KIF6: variants seen among roughly 807,000 people sequenced by gnomAD.
KIF6 encodes kinesin-like protein KIF6.
In KIF6, 106 loss-of-function variants were observed where a neutral mutation model predicts 112.7. That is an observed-to-expected ratio of 0.94 (90% CI 0.80 to 1.11). The LOEUF (loss-of-function observed/expected upper bound fraction) is 1.11. Among genes scored for constraint, KIF6 ranks in the 50% least tolerant of loss-of-function variants. The pLI is 0.00. For missense variants in KIF6, 929 were observed against 964.0 expected (o/e 0.96, Z 0.48); for synonymous variants, 339 against 339.9 (o/e 1.00, Z 0.03).
At chr6:39,707,941 GC>G (rs1429070816) in intron 3 of KIF6, among the ~76,000 whole-genome samples, 3 of 152,188 alleles carry the variant, frequency 2.0e-5, no homozygotes, top group Non-Finnish European at 2.9e-5. Flanking sequence ...TTGACTTGAT[GC>G]CAAATATTTT....
At chr6:39,642,468 G>A (rs1445723080) in intron 3 of KIF6, among the ~76,000 whole-genome samples, 1 of 152,066 alleles carries the variant, frequency 6.6e-6, no homozygotes, top group Non-Finnish European at 1.5e-5. Flanking sequence ...GTATGGATTT[G>A]GGGCTCCTCA....
At chr6:39,413,995 G>A (rs1363191158) in intron 15 of KIF6, among the ~76,000 whole-genome samples, 1 of 152,060 alleles carries the variant, frequency 6.6e-6, no homozygotes, top group African/African-American at 2.4e-5. Flanking sequence ...CTCTTTACCT[G>A]CTTTTCTCTG....
chr6:39,346,126 C>T (rs7772113), intron 20 of KIF6, among the ~76,000 whole-genome samples: 1,449 of 23,790 alleles, frequency 0.061, 80 homozygotes, highest in Non-Finnish European at 0.084. Flanking sequence ...CCTCTCCCTC[C>T]CTCTCCCTCT....
At chr6:39,677,478 T>C (rs186720888) in intron 3 of KIF6, among the ~76,000 whole-genome samples, 162 of 151,808 alleles carry the variant, frequency 1.1e-3, no homozygotes, top group African/African-American at 3.9e-3. Flanking sequence ...TGCAGGAAGT[T>C]TTTTAGTTAT....
intron 3 of KIF6, among the ~76,000 whole-genome samples, chr6:39,647,440 T>C (rs1039856781): frequency 6.6e-6 from 1 of 152,138 alleles, no homozygotes; most frequent in African/African-American, 2.4e-5. Flanking sequence ...CTTGATCCCA[T>C]CTTGGTTCCT....
At chr6:39,430,285 T>C (rs996925285) in intron 14 of KIF6, among the ~76,000 whole-genome samples, 4 of 152,132 alleles carry the variant, frequency 2.6e-5, no homozygotes, top group African/African-American at 4.8e-5. Context: ...CTCATCTACT[T>C]CTTAGGCTTC....
chr6:39,623,912 C>T (rs932379936), intron 5 of KIF6, among the ~76,000 whole-genome samples: 1 of 152,168 alleles, frequency 6.6e-6, no homozygotes, highest in Non-Finnish European at 1.5e-5. Context: ...CATGTGTCCC[C>T]TCTCTCAGGC....
chr6:39,457,625 A>G (rs1345164725), intron 13 of KIF6, among the ~76,000 whole-genome samples: 1 of 152,124 alleles, frequency 6.6e-6, no homozygotes, highest in Non-Finnish European at 1.5e-5. Flanking sequence ...GAACGCTAGC[A>G]AGACTAATAA....
intron 16 of KIF6, among the ~76,000 whole-genome samples, chr6:39,371,151 A>G (rs1310288230): frequency 6.6e-6 from 1 of 152,176 alleles, no homozygotes; most frequent in Non-Finnish European, 1.5e-5. Context: ...AATGTACACG[A>G]TCAGCCCTTG....
intron 16 of KIF6, among the ~76,000 whole-genome samples, chr6:39,375,502 G>A (rs1326407914): frequency 6.6e-6 from 1 of 152,128 alleles, no homozygotes; most frequent in Admixed American, 6.5e-5. Context: ...ATTAAGAGAA[G>A]CAAACAAAAA....
chr6:39,693,245 C>T (rs1450579567), intron 3 of KIF6, among the ~76,000 whole-genome samples: 1 of 152,246 alleles, frequency 6.6e-6, no homozygotes, highest in Non-Finnish European at 1.5e-5. Context: ...ACTTTCCTAA[C>T]TCAAGTCACA....
chr6:39,578,061 G>T lies in KIF6; in HGVS notation c.1176C>A (p.Leu392=). 6.2e-7 allele frequency: 1 copy of T among 1,607,568 alleles called. No homozygotes were observed. The highest frequency in any genetic ancestry group is 1.1e-5 in the South Asian group (1 of 90,832). Residue 392 remains leucine, a synonymous_variant, in exon 10 of 23, where the codon CTC becomes CTA. Transcript: ENST00000287152. ...QRTEALTEAE[L]LQLEKLITSF... is the part of the protein sequence containing the mutation. ...AAAAAAGTCTGCAGACTTACTGAAG[G>T]AGCTCTGCTTCTGTGAGTGCCTCTG...
At position 39,584,417 on chromosome 6, in the gene KIF6, T is replaced by TACAAAAAAAAAAAAAAAAAA. The variant is rs1481333003; in HGVS notation, c.1077+480_1077+481insTTTTTTTTTTTTTTTTTTGT. Among the ~76,000 whole-genome samples, 22 of 46,060 alleles carry TACAAAAAAAAAAAAAAAAAA rather than the reference T, an allele frequency of 4.8e-4. 5 individuals are homozygous for TACAAAAAAAAAAAAAAAAAA. Among genetic ancestry groups the TACAAAAAAAAAAAAAAAAAA allele is most frequent in the Non-Finnish European group, 7.4e-4 (12 of 16,108 alleles). 30.2% of individuals were successfully genotyped at this position (46,060 alleles called of 152,430 possible). A position where few individuals can be genotyped will look rare whatever the true frequency, so the allele number is the denominator to read the frequency against. On this transcript the variant is annotated intron_variant, in intron 9 of 22. Coordinates refer to ENST00000287152, the MANE Select transcript of KIF6 (RefSeq NM_145027.6). The stretch of plus-strand genomic sequence containing the variant: ...TCCAGCCTGAGCAAGACTCTGTCTC[T>TACAAAAAAAAAAAAAAAAAA]AAAAAAAAAAAAAAAAAAAAAAAAA...
chr6:39,539,754 A>G (rs1448002665), intron 13 of KIF6, among the ~76,000 whole-genome samples: 1 of 152,138 alleles, frequency 6.6e-6, no homozygotes, highest in Non-Finnish European at 1.5e-5. Context: ...CTTTCTCTAA[A>G]ATTAACTTTT....
chr6:39,714,491 T>G (rs944049194), intron 3 of KIF6, among the ~76,000 whole-genome samples: 6 of 152,090 alleles, frequency 3.9e-5, no homozygotes, highest in Non-Finnish European at 7.4e-5. Flanking sequence ...TGCGTTATTT[T>G]GTTTTGTTTT....
chr6:39,521,830 C>A (rs957221069), intron 13 of KIF6, among the ~76,000 whole-genome samples: 3 of 152,178 alleles, frequency 2.0e-5, no homozygotes, highest in Admixed American at 2.0e-4. Flanking sequence ...GCTGCACTTA[C>A]CAGGCCTGTA....
rs1774148863 is a variant in KIF6, at chr6:39,472,096, G to C, written c.1646-40935C>G. ...CCTTCACAAGCAAACTCCTGGAAGAGCTGTCAGCGTTCCTTGGCTCCATTT... is the reference window on the plus strand; with the variant it reads ...CCTTCACAAGCAAACTCCTGGAAGACCTGTCAGCGTTCCTTGGCTCCATTT... On this transcript the variant is annotated intron_variant, in intron 13 of 22. Transcript: ENST00000287152. Among the ~76,000 whole-genome samples, 3 of 152,128 alleles carry C rather than the reference G, an allele frequency of 2.0e-5. No individual in the cohort carries two copies. In the South Asian group the frequency reaches 6.2e-4, roughly 32 times the overall value.
chr6:39,563,111 C>T (rs1035603718), intron 10 of KIF6, among the ~76,000 whole-genome samples: 12 of 151,994 alleles, frequency 7.9e-5, no homozygotes, highest in African/African-American at 1.7e-4. Context: ...TGCAGGGGTG[C>T]GCACCTGTAG....
chr6:39,343,470 G>C lies in KIF6; in HGVS notation c.2428+239C>G. 4 of 1,472,314 alleles carry C rather than the reference G, an allele frequency of 2.7e-6. No homozygotes were observed. Among genetic ancestry groups the C allele is most frequent in the Non-Finnish European group, 3.6e-6 (4 of 1,106,756 alleles). The allele number at this position is 1,472,314 out of a possible 1,614,324, so 91.2% of individuals were successfully genotyped here. A position where few individuals can be genotyped will look rare whatever the true frequency, so the allele number is the denominator to read the frequency against. On this transcript the variant is annotated intron_variant, in intron 22 of 22. Coordinates refer to ENST00000287152, the MANE Select transcript of KIF6 (RefSeq NM_145027.6). This position sits in a 1 kb window ranked among gnomAD's most constrained non-coding sequence, Gnocchi z 4.1. ...GACAGAGAGCAAGCTCTGCCAAGAG[G>C]GACAGGAGCACCTGGGCCGCCCACC...
Sources: allele counts gnomAD v4.1 joint callset (sites outside exome capture counted in the v4.1 genomes callset), GRCh38; gene constraint gnomAD v4.1.1; non-coding constraint Gnocchi (gnomAD v3.1); transcripts MANE v1.5; gene names NCBI Gene and HGNC (gene_info 2026-07-23, HGNC 2026-07-21).